The following ATG14 variants were observed in gnomAD, a reference collection of about 807,000 sequenced individuals.
ATG14 encodes autophagy related 14.
Under a neutral mutation model 60.4 loss-of-function variants are expected in ATG14, and 35 were observed. The observed-to-expected ratio is 0.58, with a 90% CI of 0.44 to 0.77. The LOEUF is 0.77. Ranked by LOEUF, ATG14 falls within the 30% of genes least tolerant of loss-of-function variation. The pLI, the probability that ATG14 is intolerant of heterozygous loss-of-function variation, is 0.00. For missense variants in ATG14, 647 were observed against 626.3 expected, an observed-to-expected ratio of 1.03 and a Z score of -0.35; for synonymous variants, 234 against 228.8, an observed-to-expected ratio of 1.02 and a Z score of -0.21.
intron 3 of ATG14, chr14:55,395,012 G>T (rs1594782707): frequency 4.3e-6 from 2 of 466,620 alleles, no homozygotes; most frequent in East Asian, 6.5e-5. Context: ...TTTTCTGCAG[G>T]TAAATCTTCA....
intron 4 of ATG14, among the ~76,000 whole-genome samples, chr14:55,389,419 A>G (rs186988602): frequency 8.5e-5 from 13 of 152,238 alleles, no homozygotes; most frequent in Admixed American, 7.9e-4. Flanking sequence ...GGCACTGTTC[A>G]GTGTGCTGCC....
rs138773002 is a variant in ATG14 at position 55,382,143 on chromosome 14, G to A, written c.696C>T (p.Ser232=). ...SSESDSAMTS[S]TVSKLAEARR... ...GGGCTTCAGCAAGCTTGCTCACAGT[G>A]CTGGAGGTCATGGCACTGTCACTCT... The change falls in exon 6 of 10, where the codon AGC becomes AGT. Residue 232 remains serine, a synonymous_variant. Coordinates refer to ENST00000247178, the MANE Select transcript of ATG14 (RefSeq NM_014924.5). 1.7e-4 allele frequency: 280 copies of A among 1,614,126 alleles called. No individual in the cohort carries two copies. In the African/African-American group the frequency reaches 3.5e-3, roughly 20 times the overall value.
intron 7 of ATG14, among the ~76,000 whole-genome samples, chr14:55,379,878 G>A (rs1884995607): frequency 6.6e-6 from 1 of 152,188 alleles, no homozygotes; most frequent in African/African-American, 2.4e-5. Flanking sequence ...AGGCCACCAT[G>A]CCCAGCTAGT....
chr14:55,377,840 G>A lies in ATG14; in HGVS notation c.1151C>T (p.Pro384Leu), dbSNP rs1884948691. 1 of 1,596,262 alleles carries A rather than the reference G, an allele frequency of 6.3e-7. No individual in the cohort carries two copies. Among genetic ancestry groups the A allele is most frequent in the African/African-American group, 1.4e-5 (1 of 73,600 alleles). ...TLRNLMYLVSPSSEHLGRSGP... is the reference protein window; with the variant it reads ...TLRNLMYLVSLSSEHLGRSGP... ...TTACCTGCCTAGGTGTTCAGAGCTT[G>A]GACTGACCAGGTACATTAGATTCCT... The change falls in exon 9 of 10, where the codon CCA (proline) becomes CTA (leucine). Residue 384 changes from proline (P) to leucine (L), a missense_variant. Physicochemically the swap from Pro to Leu is moderately conservative, Grantham distance 98. Transcript: ENST00000247178.
chr14:55,385,733 C>T, intron 5 of ATG14, 126 bp downstream of exon 5: 1 of 879,528 alleles, frequency 1.1e-6, no homozygotes, highest in Non-Finnish European at 1.7e-6. Context: ...ACAGATAAGA[C>T]TTATGTTCCA....
In ATG14 at chr14:55,380,729, T is replaced by A. The variant is rs1331949421; in HGVS notation, c.878-39A>T. 2 of 1,389,108 alleles carry A rather than the reference T, an allele frequency of 1.4e-6. 1 individual carries two copies. The highest frequency in any genetic ancestry group is 2.5e-5 in the South Asian group (2 of 79,602). The allele number at this position is 1,389,108 out of a possible 1,614,324, so 86.0% of individuals were successfully genotyped here. On this transcript the variant is annotated intron_variant, in intron 6 of 9. Transcript: ENST00000247178. ...ACAACCACCATGTACAAAACCTTAA[T>A]TCCAACAAAACTACTAATAATCCAC...
chr14:55,408,474 C>G (rs1885522977), intron 1 of ATG14, among the ~76,000 whole-genome samples: 1 of 151,664 alleles, frequency 6.6e-6, no homozygotes, highest in African/African-American at 2.4e-5. Context: ...AACAAACTTC[C>G]TCAAACTCAC....
chr14:55,371,101 TC>T (rs1884807103), intron 9 of ATG14, among the ~76,000 whole-genome samples: 1 of 152,154 alleles, frequency 6.6e-6, no homozygotes. Flanking sequence ...TGCCGCTCTC[TC>T]CCTGCTGCTG....
chr14:55,395,096 A>G, intron 3 of ATG14: 1 of 503,464 alleles, frequency 2.0e-6, no homozygotes, highest in Non-Finnish European at 4.0e-6. Context: ...TTTTTGTCTG[A>G]AGATTTATCC....
At chr14:55,384,178 A>T (rs1291433952) in intron 5 of ATG14, among the ~76,000 whole-genome samples, 1 of 152,224 alleles carries the variant, frequency 6.6e-6, no homozygotes, top group Non-Finnish European at 1.5e-5. Flanking sequence ...TTAAAAAATT[A>T]ATGGCATATA....
intron 1 of ATG14, among the ~76,000 whole-genome samples, chr14:55,408,379 CAG>C (rs1430975311): frequency 1.3e-5 from 2 of 152,142 alleles, no homozygotes; most frequent in Non-Finnish European, 2.9e-5. Context: ...CGCTTGAGAA[CAG>C]GGAGGTCAAA....
In ATG14 at chr14:55,381,854, G is replaced by A. The variant is rs1191617472; in HGVS notation, c.877+108C>T. 3 of 866,036 alleles carry A rather than the reference G, an allele frequency of 3.5e-6. No individual in the cohort carries two copies. The East Asian group carries it at 7.8e-5, about 23-fold the overall frequency. The allele number at this position is 866,036 out of a possible 1,614,324, so 53.6% of individuals were successfully genotyped here. ...GTGATGGGAGCACAGTGCTGTGAAT[G>A]TACTAAATGCCCCTGAATGGTTCAC... On this transcript the variant is annotated intron_variant, in intron 6 of 9. Coordinates refer to ENST00000247178, the MANE Select transcript of ATG14 (RefSeq NM_014924.5).
intron 1 of ATG14, among the ~76,000 whole-genome samples, chr14:55,403,267 T>G (rs1334432755): frequency 1.3e-5 from 2 of 152,094 alleles, no homozygotes; most frequent in Non-Finnish European, 2.9e-5. Flanking sequence ...GCTTTCCATT[T>G]CTTCACTGCA....
intron 6 of ATG14, among the ~76,000 whole-genome samples, chr14:55,381,317 G>A (rs1395883444): frequency 1.3e-5 from 2 of 152,152 alleles, no homozygotes; most frequent in Admixed American, 6.5e-5. Context: ...AACTGCAGGG[G>A]TTTTAAAGGG....
At chr14:55,395,902 T>C (rs773083939) in intron 3 of ATG14, 38 bp downstream of exon 3, 1 of 1,448,782 alleles carries the variant, frequency 6.9e-7, no homozygotes, top group Non-Finnish European at 9.2e-7. Flanking sequence ...CTTAAAAACA[T>C]GTAGCCTCAA....
At chr14:55,371,394 A>C (rs1336442876) in intron 9 of ATG14, among the ~76,000 whole-genome samples, 6 of 152,162 alleles carry the variant, frequency 3.9e-5, no homozygotes, top group African/African-American at 1.2e-4. Context: ...TCCCAGATGG[A>C]TTAAGCAATA....
At chr14:55,391,897 T>A (rs1004777055) in intron 3 of ATG14, among the ~76,000 whole-genome samples, 2 of 152,220 alleles carry the variant, frequency 1.3e-5, no homozygotes, top group Non-Finnish European at 2.9e-5. Flanking sequence ...TTTCAGTGCA[T>A]AACTCAAGTA....
chr14:55,387,084 G>GC (rs1885137758), intron 4 of ATG14, among the ~76,000 whole-genome samples: 1 of 151,854 alleles, frequency 6.6e-6, no homozygotes, highest in South Asian at 2.1e-4. Flanking sequence ...CCAACACTCT[G>GC]CCTATCTCCA....
chr14:55,393,506 G>A (rs891867944), intron 3 of ATG14, among the ~76,000 whole-genome samples: 4 of 151,962 alleles, frequency 2.6e-5, no homozygotes, highest in African/African-American at 9.7e-5. Flanking sequence ...CATTTCTCAG[G>A]GGTAATCCTT....
Sources: allele counts gnomAD v4.1 joint callset (sites outside exome capture counted in the v4.1 genomes callset), GRCh38; gene constraint gnomAD v4.1.1; transcripts MANE v1.5; gene names NCBI Gene and HGNC (gene_info 2026-07-23, HGNC 2026-07-21).